Variants in GRB10 observed in about 807,000 individuals in gnomAD.
The protein encoded by GRB10 is growth factor receptor-bound protein 10.
A neutral mutation model predicts 80.9 loss-of-function variants in GRB10; 20 were observed. That is an observed-to-expected ratio of 0.25 (90% CI 0.17 to 0.36). GRB10 has a LOEUF of 0.36. Among genes scored for constraint, GRB10 ranks in the 10% least tolerant of loss-of-function variants. GRB10 has a pLI of 1.00. For missense variants in GRB10, 548 were observed against 747.7 expected (o/e 0.73, Z 3.12); for synonymous variants, 291 against 291.5 (o/e 1.00, Z 0.02).
intron 3 of GRB10, among the ~76,000 whole-genome samples, chr7:50,733,089 C>T (rs2070164874): frequency 6.6e-6 from 1 of 152,142 alleles, no homozygotes. Flanking sequence ...TCTTTAAACA[C>T]GTCACTAAGT....
chr7:50,779,192 G>A (rs1181323860), intron 2 of GRB10: 2 of 135,466 alleles, frequency 1.5e-5, no homozygotes, highest in Non-Finnish European at 3.2e-5. Flanking sequence ...AGTGAACACA[G>A]GGGGAAATGC....
At chr7:50,777,457 C>CACACACACA (rs1220686321) in intron 2 of GRB10, among the ~76,000 whole-genome samples, 1 of 151,548 alleles carries the variant, frequency 6.6e-6, no homozygotes. Flanking sequence ...CACACACACA[C>CACACACACA]ACCATTGCAC....
chr7:50,785,059 G>A (rs761464748), upstream of GRB10, among the ~76,000 whole-genome samples: 3 of 152,158 alleles, frequency 2.0e-5, no homozygotes, highest in Non-Finnish European at 4.4e-5. Flanking sequence ...AGATTTGGTG[G>A]ATCACATGCT....
intron 11 of GRB10, among the ~76,000 whole-genome samples, chr7:50,615,586 GGCCAGA>G (rs1482550735): frequency 2.0e-5 from 3 of 152,206 alleles, no homozygotes; most frequent in Non-Finnish European, 1.5e-5. Flanking sequence ...CACCTCTGCT[GGCCAGA>G]GCAAAAGAGA....
intron 18 of GRB10, 93 bp from the exon 19 acceptor site, chr7:50,593,191 G>C: frequency 7.0e-7 from 1 of 1,430,712 alleles, no homozygotes; most frequent in South Asian, 1.2e-5. Flanking sequence ...ATCTGCCCAT[G>C]ATTTGATTCC....
At chr7:50,743,073 C>T (rs1384317742) in intron 3 of GRB10, among the ~76,000 whole-genome samples, 1 of 152,100 alleles carries the variant, frequency 6.6e-6, no homozygotes, top group Non-Finnish European at 1.5e-5. Context: ...TATGCAAATA[C>T]AAAGAATGCC....
chr7:50,668,750 G>A (rs995934625), intron 7 of GRB10, among the ~76,000 whole-genome samples: 3 of 152,144 alleles, frequency 2.0e-5, no homozygotes, highest in Admixed American at 6.5e-5. Flanking sequence ...GCCCATCCTG[G>A]CTCACAGCCC....
chr7:50,661,330 G>C (rs2059248399), intron 7 of GRB10, among the ~76,000 whole-genome samples: 1 of 152,210 alleles, frequency 6.6e-6, no homozygotes, highest in Non-Finnish European at 1.5e-5. Context: ...AAATTAAGCA[G>C]AGGGAGAAGA....
At chr7:50,643,902 C>T (rs2056727754) in intron 7 of GRB10, among the ~76,000 whole-genome samples, 1 of 152,212 alleles carries the variant, frequency 6.6e-6, no homozygotes, top group East Asian at 1.9e-4. Flanking sequence ...ATTACTGCAA[C>T]TTCTCTATAC....
At chr7:50,664,469 T>A (rs1285677345) in intron 7 of GRB10, among the ~76,000 whole-genome samples, 2 of 152,158 alleles carry the variant, frequency 1.3e-5, no homozygotes, top group African/African-American at 4.8e-5. Flanking sequence ...CTGCAGTGTG[T>A]CTGTGGGGGC....
At chr7:50,760,239 C>A (rs1430701141) in intron 2 of GRB10, among the ~76,000 whole-genome samples, 3 of 152,198 alleles carry the variant, frequency 2.0e-5, no homozygotes, top group African/African-American at 7.2e-5. Flanking sequence ...AGAACAGCGA[C>A]TGAGCAGAAA....
chr7:50,763,560 A>G (rs549994270), intron 2 of GRB10, among the ~76,000 whole-genome samples: 5 of 152,366 alleles, frequency 3.3e-5, no homozygotes, highest in Middle Eastern at 6.8e-3. Context: ...GCATACACAC[A>G]CACGGAATGT....
intron 5 of GRB10, among the ~76,000 whole-genome samples, chr7:50,681,235 G>C (rs1307160883): frequency 2.0e-5 from 3 of 152,158 alleles, no homozygotes; most frequent in African/African-American, 7.2e-5. Context: ...TGCCTGGCAG[G>C]GTGCAGAAGG....
At chr7:50,729,370 A>C (rs1202368059) in intron 4 of GRB10, 3 of 152,244 alleles carry the variant, frequency 2.0e-5, no homozygotes, top group Non-Finnish European at 4.4e-5. Context: ...TTTGTAGCCA[A>C]GCACATTTTA....
In GRB10 at chr7:50,590,511, C is replaced by T. The variant is rs2153556843; in HGVS notation, c.*2441G>A. The T allele has an allele frequency of 6.5e-6, 1 of 152,726 alleles. No individual in the cohort carries two copies. Among genetic ancestry groups the T allele is most frequent in the Admixed American group, 6.5e-5 (1 of 15,308 alleles). 9.5% of individuals were successfully genotyped at this position (152,726 alleles called of 1,614,324 possible). A position where few individuals can be genotyped will look rare whatever the true frequency, so the allele number is the denominator to read the frequency against. ...AAACTCTAATAACCAAAGCATTTGG[C>T]GTTTTCCTTCTCAACTTCGTCCTGG... On this transcript the variant is annotated 3_prime_UTR_variant, in exon 19 of 19. Transcript: ENST00000401949.
At chr7:50,648,323 C>T (rs998671752) in intron 7 of GRB10, among the ~76,000 whole-genome samples, 1 of 152,124 alleles carries the variant, frequency 6.6e-6, no homozygotes, top group African/African-American at 2.4e-5. Flanking sequence ...ACCCCGCTGG[C>T]TTTAGCCATG....
chr7:50,713,046 A>C (rs895378701), intron 4 of GRB10, among the ~76,000 whole-genome samples: 10 of 152,190 alleles, frequency 6.6e-5, no homozygotes, highest in African/African-American at 2.4e-4. Context: ...CTGTTTTTGC[A>C]TCTGGTATTC....
At chr7:50,700,263 T>C (rs1188222779) in intron 5 of GRB10, among the ~76,000 whole-genome samples, 3 of 152,250 alleles carry the variant, frequency 2.0e-5, no homozygotes, top group Non-Finnish European at 4.4e-5. Context: ...CTATTACGAT[T>C]TTATATTTCT....
chr7:50,709,474 C>A (rs1449137431), intron 4 of GRB10, among the ~76,000 whole-genome samples: 1 of 152,218 alleles, frequency 6.6e-6, no homozygotes, highest in Non-Finnish European at 1.5e-5. Context: ...GCACAAATGC[C>A]CCCTGGCCTC....
Sources: allele counts gnomAD v4.1 joint callset (sites outside exome capture counted in the v4.1 genomes callset), GRCh38; gene constraint gnomAD v4.1.1; transcripts MANE v1.5; gene names NCBI Gene and HGNC (gene_info 2026-07-23, HGNC 2026-07-21).